Variants in GPC5 observed in about 807,000 individuals in gnomAD.
GPC5 encodes glypican-5.
A neutral mutation model predicts 53.9 loss-of-function variants in GPC5; 47 were observed. The ratio of observed to expected loss-of-function variants is 0.87; its 90% CI spans 0.69 to 1.11. GPC5 has a LOEUF of 1.11. Among genes scored for constraint, GPC5 ranks in the 50% most tolerant of loss-of-function variants. The pLI is 0.00. For missense variants in GPC5, 748 were observed against 713.1 expected, an observed-to-expected ratio of 1.05 and a Z score of -0.56; for synonymous variants, 286 against 263.3, an observed-to-expected ratio of 1.09 and a Z score of -0.84.
chr13:92,678,580 CT>C (rs1458636056), intron 7 of GPC5, among the ~76,000 whole-genome samples: 6 of 152,314 alleles, frequency 3.9e-5, no homozygotes, highest in African/African-American at 1.4e-4. Context: ...ATAGGTCTCC[CT>C]GCTACAGCAG....
intron 1 of GPC5, among the ~76,000 whole-genome samples, chr13:91,405,554 G>A (rs944379380): frequency 6.6e-6 from 1 of 152,176 alleles, no homozygotes; most frequent in African/African-American, 2.4e-5. Flanking sequence ...ACTTATTATG[G>A]TGGAATCCTT....
At chr13:92,449,950 A>G (rs1877992426) in intron 7 of GPC5, among the ~76,000 whole-genome samples, 1 of 152,164 alleles carries the variant, frequency 6.6e-6, no homozygotes, top group Admixed American at 6.6e-5. Flanking sequence ...AACCCTTTAA[A>G]AAAAATCTTA....
At chr13:92,722,031 T>C (rs966568318) in intron 7 of GPC5, among the ~76,000 whole-genome samples, 1 of 151,988 alleles carries the variant, frequency 6.6e-6, no homozygotes, top group Non-Finnish European at 1.5e-5. Flanking sequence ...TTTATTCATA[T>C]CAAGGGAACT....
intron 2 of GPC5, among the ~76,000 whole-genome samples, chr13:91,596,755 C>T (rs114676882): frequency 6.6e-6 from 1 of 152,010 alleles, no homozygotes; most frequent in Non-Finnish European, 1.5e-5. Flanking sequence ...CTCCAGTGCC[C>T]GGTGAATTAT....
intron 7 of GPC5, among the ~76,000 whole-genome samples, chr13:92,220,954 G>A (rs570841320): frequency 6.6e-6 from 1 of 152,214 alleles, no homozygotes; most frequent in Admixed American, 6.5e-5. Context: ...AGGGGTGGAG[G>A]TTGTGTATTT....
chr13:91,476,594 T>C (rs1313879666), intron 2 of GPC5, among the ~76,000 whole-genome samples: 27 of 152,138 alleles, frequency 1.8e-4, no homozygotes, highest in Admixed American at 1.8e-3. Flanking sequence ...TCTTCAATAG[T>C]GATGCAGAAA....
At chr13:91,567,677 T>G (rs1014812049) in intron 2 of GPC5, among the ~76,000 whole-genome samples, 1 of 152,184 alleles carries the variant, frequency 6.6e-6, no homozygotes, top group Admixed American at 6.5e-5. Flanking sequence ...GGATACAGAC[T>G]TTAGTTGTTT....
intron 7 of GPC5, among the ~76,000 whole-genome samples, chr13:92,519,016 T>C (rs1218651561): frequency 2.0e-5 from 3 of 151,716 alleles, no homozygotes; most frequent in African/African-American, 7.3e-5. Flanking sequence ...CCAACAAAGA[T>C]CAAAAGAGAT....
intron 6 of GPC5, among the ~76,000 whole-genome samples, chr13:91,923,688 A>T (rs888116587): frequency 6.6e-6 from 1 of 152,208 alleles, no homozygotes; most frequent in Non-Finnish European, 1.5e-5. Context: ...CTGAATAGGC[A>T]TTTATATACC....
intron 7 of GPC5, among the ~76,000 whole-genome samples, chr13:92,640,506 C>T (rs1239881579): frequency 1.3e-5 from 2 of 152,072 alleles, no homozygotes; most frequent in African/African-American, 2.4e-5. Context: ...GTGATCCACC[C>T]GCCTCGGCCT....
At chr13:92,360,034 C>G (rs923965226) in intron 7 of GPC5, among the ~76,000 whole-genome samples, 6 of 151,616 alleles carry the variant, frequency 4.0e-5, no homozygotes, top group African/African-American at 1.5e-4. Context: ...TGTCTGTTTA[C>G]TCTGTTGATA....
chr13:92,064,259 T>A (rs903601707), intron 6 of GPC5, among the ~76,000 whole-genome samples: 1 of 152,180 alleles, frequency 6.6e-6, no homozygotes, highest in Non-Finnish European at 1.5e-5. Flanking sequence ...TAGCCTGAGA[T>A]CATTTCTCAC....
chr13:92,780,303 TTAATA>T (rs1187437914), intron 7 of GPC5, among the ~76,000 whole-genome samples: 3 of 151,432 alleles, frequency 2.0e-5, no homozygotes, highest in Non-Finnish European at 3.0e-5. Context: ...TATATTTCAC[TTAATA>T]TAATTAAGTG....
At chr13:91,791,448 A>G (rs2037962593) in intron 5 of GPC5, among the ~76,000 whole-genome samples, 1 of 152,180 alleles carries the variant, frequency 6.6e-6, no homozygotes, top group Admixed American at 6.5e-5. Context: ...ACACCTACCT[A>G]GAAGCCAGCT....
chr13:91,591,572 A>G (rs1002421515), intron 2 of GPC5, among the ~76,000 whole-genome samples: 2 of 152,170 alleles, frequency 1.3e-5, no homozygotes, highest in Non-Finnish European at 2.9e-5. Context: ...AGAAATACAA[A>G]TATGTCATAG....
chr13:92,749,593 A>T (rs1311367906), intron 7 of GPC5, among the ~76,000 whole-genome samples: 2 of 152,148 alleles, frequency 1.3e-5, no homozygotes, highest in African/African-American at 4.8e-5. Context: ...AACCTTTTTA[A>T]TGTTTTTAAA....
chr13:91,502,121 G>A (rs1380341467), intron 2 of GPC5, among the ~76,000 whole-genome samples: 1 of 152,048 alleles, frequency 6.6e-6, no homozygotes, highest in East Asian at 1.9e-4. Flanking sequence ...ATTTGTTTGA[G>A]TTCATTGTAG....
intron 1 of GPC5, among the ~76,000 whole-genome samples, chr13:91,426,775 G>A (rs1566384840): frequency 6.6e-6 from 1 of 152,176 alleles, no homozygotes. Context: ...TGCCCACCAA[G>A]ATTGAGGGTG....
At chr13:92,622,791 C>A (rs1884916834) in intron 7 of GPC5, among the ~76,000 whole-genome samples, 1 of 152,096 alleles carries the variant, frequency 6.6e-6, no homozygotes. Context: ...AGTGTCTTAT[C>A]AAATTTAATG....
Sources: gnomAD v4.1 joint callset for allele counts (sites outside exome capture counted in the v4.1 genomes callset) on GRCh38, gnomAD v4.1.1 for gene constraint, MANE v1.5 for transcripts, NCBI Gene and HGNC (gene_info 2026-07-23, HGNC 2026-07-21) for gene names.